The following MDGA2 variants were observed in gnomAD, a reference collection of about 807,000 sequenced individuals.
MDGA2 encodes the protein MAM domain containing glycosylphosphatidylinositol anchor 2, also known as MAM domain-containing glycosylphosphatidylinositol anchor protein 2.
In MDGA2, 40 loss-of-function variants were observed where a neutral mutation model predicts 117.8. The ratio of observed to expected loss-of-function variants is 0.34; its 90% CI spans 0.26 to 0.44. MDGA2 has a LOEUF of 0.44. MDGA2 is among the 20% of genes least tolerant of loss of function. The pLI, the probability that MDGA2 is intolerant of heterozygous loss-of-function variation, is 1.00. For missense variants in MDGA2, 1,123 were observed against 1,250.6 expected, an observed-to-expected ratio of 0.90 and a Z score of 1.54; for synonymous variants, 452 against 439.0, an observed-to-expected ratio of 1.03 and a Z score of -0.37.
chr14:47,182,076 T>C (rs937482391), intron 3 of MDGA2, among the ~76,000 whole-genome samples: 1 of 152,172 alleles, frequency 6.6e-6, no homozygotes. Context: ...CGTTAATCTA[T>C]GCTAGGAGTT....
At chr14:47,205,351 T>G (rs1885646865) in intron 3 of MDGA2, among the ~76,000 whole-genome samples, 1 of 152,016 alleles carries the variant, frequency 6.6e-6, no homozygotes, top group African/African-American at 2.4e-5. Context: ...TTCTTACTTC[T>G]CAAAGAGTCT....
chr14:47,382,834 C>T (rs1891667604), intron 1 of MDGA2, among the ~76,000 whole-genome samples: 1 of 152,170 alleles, frequency 6.6e-6, no homozygotes, highest in Admixed American at 6.5e-5. Context: ...AACCATTTGA[C>T]CCAGCTATCC....
intron 8 of MDGA2, among the ~76,000 whole-genome samples, chr14:46,985,974 A>G (rs562348657): frequency 1.3e-5 from 2 of 152,154 alleles, no homozygotes; most frequent in East Asian, 3.9e-4. Context: ...TAAGGTTTCA[A>G]AGGTTGCTGT....
At chr14:47,066,956 A>T (rs1890106225) in intron 6 of MDGA2, among the ~76,000 whole-genome samples, 1 of 152,104 alleles carries the variant, frequency 6.6e-6, no homozygotes, top group Non-Finnish European at 1.5e-5. Flanking sequence ...TCTACTAAAA[A>T]TACAAAAAAT....
At chr14:47,243,564 G>C (rs1255905591) in intron 2 of MDGA2, among the ~76,000 whole-genome samples, 12 of 150,850 alleles carry the variant, frequency 8.0e-5, no homozygotes, top group Admixed American at 7.9e-4. Context: ...AGCCCACCAG[G>C]AGGAACGAGC....
intron 6 of MDGA2, among the ~76,000 whole-genome samples, chr14:47,067,130 A>ACAACCAACC (rs1890115825): frequency 6.6e-6 from 1 of 152,140 alleles, no homozygotes; most frequent in Non-Finnish European, 1.5e-5. Context: ...AAAGAAACAA[A>ACAACCAACC]CAACCAACCA....
intron 1 of MDGA2, among the ~76,000 whole-genome samples, chr14:47,664,645 C>A (rs545078151): frequency 6.6e-6 from 1 of 152,350 alleles, no homozygotes; most frequent in South Asian, 2.1e-4. Context: ...ATCATGCTGT[C>A]TTGCACTGTA....
At chr14:46,947,656 G>T (rs1031787734) in intron 9 of MDGA2, among the ~76,000 whole-genome samples, 4 of 151,954 alleles carry the variant, frequency 2.6e-5, no homozygotes, top group African/African-American at 9.7e-5. Context: ...TTTGCCTGCT[G>T]CCATCCATGT....
intron 10 of MDGA2, among the ~76,000 whole-genome samples, chr14:46,907,204 C>T (rs1883532211): frequency 6.6e-6 from 1 of 152,016 alleles, no homozygotes; most frequent in Non-Finnish European, 1.5e-5. Context: ...TGTTGAACTC[C>T]TGACCTCGGG....
intron 7 of MDGA2, chr14:47,058,757 T>C (rs1372676195): frequency 2.0e-6 from 2 of 985,274 alleles, no homozygotes; most frequent in African/African-American, 1.7e-5. Context: ...AGACAGAATA[T>C]GTAATCATCT....
intron 1 of MDGA2, among the ~76,000 whole-genome samples, chr14:47,490,325 T>G (rs1483917187): frequency 6.6e-6 from 1 of 152,090 alleles, no homozygotes; most frequent in Non-Finnish European, 1.5e-5. Context: ...GAGAAATCAC[T>G]TTCAGTAATT....
intron 1 of MDGA2, among the ~76,000 whole-genome samples, chr14:47,585,531 T>A (rs1896308189): frequency 6.6e-6 from 1 of 151,870 alleles, no homozygotes; most frequent in Non-Finnish European, 1.5e-5. Context: ...AAGTATGGCG[T>A]ACGGTAATGC....
At chr14:47,043,542 T>C (rs1889151867) in intron 7 of MDGA2, among the ~76,000 whole-genome samples, 1 of 152,128 alleles carries the variant, frequency 6.6e-6, no homozygotes, top group Admixed American at 6.6e-5. Flanking sequence ...GATTGACTAA[T>C]GTCTCTTCTT....
chr14:47,389,065 T>C (rs1891829797), intron 1 of MDGA2, among the ~76,000 whole-genome samples: 1 of 152,200 alleles, frequency 6.6e-6, no homozygotes, highest in Admixed American at 6.5e-5. Flanking sequence ...ACTAATTATA[T>C]AAAGTTATGC....
chr14:47,545,285 T>C lies in MDGA2; in HGVS notation c.280+129232A>G, dbSNP rs191037776. Among the ~76,000 whole-genome samples, 126 of 152,236 alleles carry C rather than the reference T, an allele frequency of 8.3e-4. 3 individuals are homozygous for C. Among genetic ancestry groups the C allele is most frequent in the Admixed American group, 8.2e-3 (125 of 15,300 alleles). ...GCATTTAAGTGTCCATATTTAATGG[T>C]TGAGAAGCAGTTTAAATTGCACAAC... On this transcript the variant is annotated intron_variant, in intron 1 of 16. Transcript: ENST00000399232.
At chr14:47,024,011 A>G (rs1003955448) in intron 8 of MDGA2, among the ~76,000 whole-genome samples, 7 of 152,206 alleles carry the variant, frequency 4.6e-5, no homozygotes, top group Admixed American at 4.6e-4. Context: ...TAAAAGACAA[A>G]GAAGAAAAAT....
intron 9 of MDGA2, among the ~76,000 whole-genome samples, chr14:46,929,185 C>G (rs1884441774): frequency 6.6e-6 from 1 of 152,068 alleles, no homozygotes; most frequent in African/African-American, 2.4e-5. Flanking sequence ...CTTGACCTGT[C>G]TGACGAATTG....
chr14:47,228,212 T>TAACTTG (rs1555365010), intron 2 of MDGA2, among the ~76,000 whole-genome samples: 5 of 152,230 alleles, frequency 3.3e-5, no homozygotes, highest in African/African-American at 1.2e-4. Flanking sequence ...ACATGTTTCA[T>TAACTTG]AACTTGAAAA....
chr14:47,334,405 T>C (rs569049266), intron 1 of MDGA2, among the ~76,000 whole-genome samples: 1 of 151,960 alleles, frequency 6.6e-6, no homozygotes, highest in South Asian at 2.1e-4. Context: ...TAGCATAGCT[T>C]TTAGTTCATA....
Sources: gnomAD v4.1 joint callset for allele counts (sites outside exome capture counted in the v4.1 genomes callset) on GRCh38, gnomAD v4.1.1 for gene constraint, MANE v1.5 for transcripts, NCBI Gene and HGNC (gene_info 2026-07-23, HGNC 2026-07-21) for gene names.